Variants in TMEM163 observed in about 807,000 individuals in gnomAD.
TMEM163 encodes the protein transmembrane protein 163.
A neutral mutation model predicts 29.3 loss-of-function variants in TMEM163; 17 were observed. The observed-to-expected ratio is 0.58, with a 90% CI of 0.40 to 0.87. The LOEUF (loss-of-function observed/expected upper bound fraction) is 0.87. Ranked by LOEUF, TMEM163 falls within the 40% of genes least tolerant of loss-of-function variation. The pLI, the probability that TMEM163 is intolerant of heterozygous loss-of-function variation, is 0.00. For missense variants in TMEM163, 303 were observed against 381.5 expected, an observed-to-expected ratio of 0.79 and a Z score of 1.71; for synonymous variants, 157 against 160.6, an observed-to-expected ratio of 0.98 and a Z score of 0.17.
rs1686365463 is a variant in TMEM163, at chr2:134,455,773, G to C, written c.*943C>G. 6.6e-6 allele frequency: 1 copy of C among 152,280 alleles called. No individual in the cohort carries two copies. The highest frequency in any genetic ancestry group is 1.5e-5 in the Non-Finnish European group (1 of 68,090). The allele number at this position is 152,280 out of a possible 1,614,324, so 9.4% of individuals were successfully genotyped here. A position where few individuals can be genotyped will look rare whatever the true frequency, so the allele number is the denominator to read the frequency against. Reference sequence around the variant, plus strand: ...TTGCCTTCCCATGCCATACAAAACAGGTAAAGGTCTTTATTGGTCAGCCAC... The same window carrying C: ...TTGCCTTCCCATGCCATACAAAACACGTAAAGGTCTTTATTGGTCAGCCAC... On this transcript the variant is annotated 3_prime_UTR_variant, in exon 8 of 8. Coordinates refer to ENST00000281924, the MANE Select transcript of TMEM163 (RefSeq NM_030923.5).
At chr2:134,578,072 G>A (rs1681607001) in intron 2 of TMEM163, among the ~76,000 whole-genome samples, 1 of 152,062 alleles carries the variant, frequency 6.6e-6, no homozygotes, top group Non-Finnish European at 1.5e-5. Flanking sequence ...CATAAAAAAA[G>A]AAATGTTGAA....
At chr2:134,468,033 G>A (rs1441517359) in intron 5 of TMEM163, 1 of 152,402 alleles carries the variant, frequency 6.6e-6, no homozygotes, top group Non-Finnish European at 1.5e-5. Flanking sequence ...CACAGTGGGA[G>A]GGGGTCAGGA....
At chr2:134,645,924 C>T (rs1399985501) in intron 2 of TMEM163, among the ~76,000 whole-genome samples, 1 of 152,026 alleles carries the variant, frequency 6.6e-6, no homozygotes, top group Non-Finnish European at 1.5e-5. Context: ...ACTGTATACA[C>T]TAAAAAACAA....
At position 134,678,838 on chromosome 2, in the gene TMEM163, T is replaced by G. The variant is rs1479562081; in HGVS notation, c.322+34362A>C. Among the ~76,000 whole-genome samples the G allele has an allele frequency of 2.0e-5, 3 of 152,362 alleles. No homozygotes were observed. In the East Asian group the frequency reaches 5.8e-4, roughly 29 times the overall value. ...TTTCATTGCTTTAAAATTTGAATTT[T>G]TATAAAGCTATTTTGTTCTAACTTC... is the stretch of plus-strand genomic sequence containing the variant. On this transcript the variant is annotated intron_variant, in intron 2 of 7. Coordinates refer to ENST00000281924, the MANE Select transcript of TMEM163 (RefSeq NM_030923.5).
At chr2:134,533,954 AC>A (rs777938279) in intron 4 of TMEM163, among the ~76,000 whole-genome samples, 8 of 151,980 alleles carry the variant, frequency 5.3e-5, no homozygotes, top group Non-Finnish European at 1.0e-4. Flanking sequence ...CTACTCAGTG[AC>A]CTTCCTTGGC....
At chr2:134,645,614 A>G (rs1683319592) in intron 2 of TMEM163, among the ~76,000 whole-genome samples, 1 of 152,262 alleles carries the variant, frequency 6.6e-6, no homozygotes, top group South Asian at 2.1e-4. Flanking sequence ...TGGTATATCC[A>G]TATAATGGAA....
At chr2:134,525,485 G>T (rs1475115542) in intron 4 of TMEM163, among the ~76,000 whole-genome samples, 1 of 152,202 alleles carries the variant, frequency 6.6e-6, no homozygotes, top group East Asian at 1.9e-4. Flanking sequence ...CATTTTGCAG[G>T]AATTCAACTA....
At chr2:134,489,546 C>A (rs550086563) in intron 5 of TMEM163, among the ~76,000 whole-genome samples, 2 of 150,872 alleles carry the variant, frequency 1.3e-5, no homozygotes, top group Non-Finnish European at 2.9e-5. Context: ...CACTGCACTC[C>A]AGCCTGGCAA....
chr2:134,488,138 G>A (rs1679350975), intron 5 of TMEM163, among the ~76,000 whole-genome samples: 1 of 152,234 alleles, frequency 6.6e-6, no homozygotes, highest in Non-Finnish European at 1.5e-5. Flanking sequence ...GCACATATGT[G>A]ATGGTTAATA....
At chr2:134,704,927 G>C (rs1429958370) in intron 2 of TMEM163, among the ~76,000 whole-genome samples, 1 of 152,092 alleles carries the variant, frequency 6.6e-6, no homozygotes, top group Non-Finnish European at 1.5e-5. Flanking sequence ...CAAATGTTGA[G>C]GCCGGGTGTG....
intron 5 of TMEM163, among the ~76,000 whole-genome samples, chr2:134,478,961 G>A (rs746659258): frequency 1.3e-5 from 2 of 152,146 alleles, no homozygotes; most frequent in Non-Finnish European, 2.9e-5. Flanking sequence ...GGGGTGGAAG[G>A]GGTCAGTTCT....
At chr2:134,545,770 A>G (rs528881408) in intron 4 of TMEM163, among the ~76,000 whole-genome samples, 51 of 152,254 alleles carry the variant, frequency 3.3e-4, no homozygotes, top group African/African-American at 1.0e-3. Context: ...AATAAATGAA[A>G]CGCCTATGGA....
At chr2:134,621,873 AGAGT>A (rs1682744567) in intron 2 of TMEM163, among the ~76,000 whole-genome samples, 1 of 152,174 alleles carries the variant, frequency 6.6e-6, no homozygotes, top group Non-Finnish European at 1.5e-5. Flanking sequence ...CCAGGGCGAC[AGAGT>A]GAGACTCCAT....
intron 7 of TMEM163, among the ~76,000 whole-genome samples, chr2:134,457,192 A>C (rs2106470512): frequency 6.6e-6 from 1 of 152,272 alleles, no homozygotes; most frequent in South Asian, 2.1e-4. Context: ...TTCATCTGTT[A>C]ATGGACAATT....
At chr2:134,536,380 G>T (rs796944912) in intron 4 of TMEM163, among the ~76,000 whole-genome samples, 19 of 152,304 alleles carry the variant, frequency 1.2e-4, no homozygotes, top group African/African-American at 4.3e-4. Flanking sequence ...TGAGGTTGGG[G>T]CTGTTTACAG....
chr2:134,713,627 C>T (rs1684975497), intron 1 of TMEM163: 1 of 515,800 alleles, frequency 1.9e-6, no homozygotes, highest in Non-Finnish European at 3.8e-6. Flanking sequence ...CATTCCTTTG[C>T]CCCTGTGTTA....
intron 2 of TMEM163, among the ~76,000 whole-genome samples, chr2:134,694,128 C>G (rs1309074391): frequency 6.6e-6 from 1 of 152,182 alleles, no homozygotes; most frequent in Non-Finnish European, 1.5e-5. Flanking sequence ...GAAGTGTGAT[C>G]TGTGGGAAGC....
chr2:134,464,662 G>A (rs1686623470), intron 6 of TMEM163, among the ~76,000 whole-genome samples: 1 of 152,132 alleles, frequency 6.6e-6, no homozygotes, highest in Non-Finnish European at 1.5e-5. Context: ...AGGAGGAGGA[G>A]TGGGAGCAGG....
At chr2:134,516,677 A>G (rs1036702601) in intron 4 of TMEM163, among the ~76,000 whole-genome samples, 3 of 137,804 alleles carry the variant, frequency 2.2e-5, no homozygotes, top group Admixed American at 1.5e-4. Context: ...ATATAGTCAT[A>G]CATATATGCA....
Sources: allele counts gnomAD v4.1 joint callset (sites outside exome capture counted in the v4.1 genomes callset), GRCh38; gene constraint gnomAD v4.1.1; transcripts MANE v1.5; gene names NCBI Gene and HGNC (gene_info 2026-07-23, HGNC 2026-07-21).